The following ATP11A variants were observed in gnomAD, a reference collection of about 807,000 sequenced individuals.
The protein encoded by ATP11A is ATPase phospholipid transporting 11A, also known as phospholipid-transporting ATPase IH.
Under a neutral mutation model 154.4 loss-of-function variants are expected in ATP11A, and 81 were observed. The observed-to-expected ratio is 0.52, with a 90% CI of 0.44 to 0.63. ATP11A has a LOEUF of 0.63. Among genes scored for constraint, ATP11A ranks in the 30% least tolerant of loss-of-function variants. The pLI is 0.00. For synonymous variants in ATP11A, 623 were observed against 585.9 expected, an observed-to-expected ratio of 1.06 and a Z score of -0.91; for missense variants, 1,316 against 1,474.3, an observed-to-expected ratio of 0.89 and a Z score of 1.76.
At chr13:112,772,944 A>G (rs1430405416) in intron 1 of ATP11A, among the ~76,000 whole-genome samples, 1 of 152,206 alleles carries the variant, frequency 6.6e-6, no homozygotes, top group Non-Finnish European at 1.5e-5. Flanking sequence ...TATGATTGGC[A>G]TCTGATCACG....
At chr13:112,863,949 C>G (rs377752160) in intron 25 of ATP11A, among the ~76,000 whole-genome samples, 9 of 70,608 alleles carry the variant, frequency 1.3e-4, no homozygotes, top group African/African-American at 5.2e-5. Flanking sequence ...TCACCACCTG[C>G]GCAGTAATTC....
intron 16 of ATP11A, among the ~76,000 whole-genome samples, chr13:112,839,044 G>A (rs112228520): frequency 3.9e-5 from 6 of 152,098 alleles, no homozygotes; most frequent in African/African-American, 1.4e-4. Flanking sequence ...CATGATGTCC[G>A]CAGGACCCTT....
chr13:112,854,628 A>G lies in ATP11A; in HGVS notation c.2243+98A>G, dbSNP rs1488977964. 4.2e-6 allele frequency: 6 copies of G among 1,416,910 alleles called. No homozygotes were observed. In the Admixed American group the frequency reaches 9.1e-5, roughly 22 times the overall value. 87.8% of individuals were successfully genotyped at this position (1,416,910 alleles called of 1,614,324 possible). ...CAAGTCGGGGAGCCGCATTGTCTCTACTGGGAATTCGGTTCTCCCCTGGGG... is the reference window on the plus strand; with the variant it reads ...CAAGTCGGGGAGCCGCATTGTCTCTGCTGGGAATTCGGTTCTCCCCTGGGG... On this transcript the variant is annotated intron_variant, in intron 19 of 29. Coordinates refer to ENST00000375645, the MANE Select transcript of ATP11A (RefSeq NM_015205.3).
intron 1 of ATP11A, among the ~76,000 whole-genome samples, chr13:112,738,855 G>A (rs1891258969): frequency 6.7e-6 from 1 of 149,102 alleles, no homozygotes; most frequent in Non-Finnish European, 1.5e-5. Context: ...GTGAGTCTAG[G>A]TTGGCCCATG....
intron 13 of ATP11A, among the ~76,000 whole-genome samples, chr13:112,832,531 G>A (rs564599205): frequency 3.3e-5 from 5 of 152,346 alleles, no homozygotes; most frequent in Middle Eastern, 3.4e-3. Flanking sequence ...TCGTGGCACC[G>A]TGTGACTCAG....
intron 12 of ATP11A, 150 bp downstream of exon 12, chr13:112,827,041 A>G (rs2140229915): frequency 1.3e-6 from 1 of 746,146 alleles, no homozygotes. Context: ...CCTATTTATG[A>G]AACAGTCAGC....
chr13:112,784,024 A>G (rs2077562113), intron 1 of ATP11A, among the ~76,000 whole-genome samples: 1 of 152,142 alleles, frequency 6.6e-6, no homozygotes, highest in South Asian at 2.1e-4. Flanking sequence ...GTGGGGCAAG[A>G]GCCTGGAGAG....
intron 1 of ATP11A, among the ~76,000 whole-genome samples, chr13:112,713,517 A>G (rs956690178): frequency 1.3e-5 from 2 of 152,188 alleles, no homozygotes; most frequent in African/African-American, 4.8e-5. Flanking sequence ...AAGTATAAAT[A>G]AAAAAATTGT....
At chr13:112,756,734 C>T (rs183770596) in intron 1 of ATP11A, among the ~76,000 whole-genome samples, 36 of 152,332 alleles carry the variant, frequency 2.4e-4, no homozygotes, top group Non-Finnish European at 4.3e-4. Context: ...GCCCTCTGCA[C>T]CCCAGGGCAG....
At chr13:112,715,088 G>C (rs1888270656) in intron 1 of ATP11A, among the ~76,000 whole-genome samples, 1 of 152,158 alleles carries the variant, frequency 6.6e-6, no homozygotes, top group Non-Finnish European at 1.5e-5. Context: ...CTGTGTTGTA[G>C]CCTGTATGAC....
chr13:112,872,447 C>T, intron 26 of ATP11A, among the ~76,000 whole-genome samples: 1 of 152,290 alleles, frequency 6.6e-6, no homozygotes, highest in East Asian at 1.9e-4. Context: ...CCCATCTTTA[C>T]TAAAAACACA....
chr13:112,867,702 C>A (rs2080382369), intron 25 of ATP11A, among the ~76,000 whole-genome samples: 1 of 152,360 alleles, frequency 6.6e-6, no homozygotes, highest in South Asian at 2.1e-4. Context: ...CCTCCAGCCC[C>A]TGGCTATGTC....
chr13:112,856,329 T>G, intron 20 of ATP11A: 1 of 308,880 alleles, frequency 3.2e-6, no homozygotes, highest in Non-Finnish European at 5.9e-6. Context: ...CCAGGACAGC[T>G]GCCCTGGCTG....
rs114145305 is a variant in ATP11A at position 112,735,995 on chromosome 13, G to A, written c.39+45540G>A. ...TGCCCAGAGCCTATGCAGAGCCTCC[G>A]TATGCGCATGCTCAGAGCAGGTGCA... On this transcript the variant is annotated intron_variant, in intron 1 of 29. Coordinates refer to ENST00000375645, the MANE Select transcript of ATP11A (RefSeq NM_015205.3). Among the ~76,000 whole-genome samples, 451 of 152,150 alleles carry A rather than the reference G, an allele frequency of 3.0e-3. 2 individuals carry two copies. The highest frequency in any genetic ancestry group is 0.01 in the African/African-American group (431 of 41,528).
chr13:112,836,561 C>T (rs2079240179), intron 16 of ATP11A, among the ~76,000 whole-genome samples: 1 of 152,234 alleles, frequency 6.6e-6, no homozygotes, highest in Non-Finnish European at 1.5e-5. Context: ...TTCCTCTGCC[C>T]ATCCCTATCC....
At chr13:112,765,407 G>A (rs533379118) in intron 1 of ATP11A, among the ~76,000 whole-genome samples, 13 of 152,272 alleles carry the variant, frequency 8.5e-5, no homozygotes, top group African/African-American at 2.4e-4. Flanking sequence ...AGCCTCCTCC[G>A]GGCAGGCCCC....
chr13:112,846,401 G>T lies in ATP11A; in HGVS notation c.1809+4022G>T, dbSNP rs114373975. 8.3e-3 allele frequency among the ~76,000 whole-genome samples: 1,259 copies of T among 152,126 alleles called. 19 individuals carry two copies. The highest frequency in any genetic ancestry group is 0.029 in the African/African-American group (1,205 of 41,466). ...GTTTTTCCCGTGCAGCGTCTAACCTGTCAGCACCCCACGCAGGACACCCCT... is the reference window on the plus strand; with the variant it reads ...GTTTTTCCCGTGCAGCGTCTAACCTTTCAGCACCCCACGCAGGACACCCCT... On this transcript the variant is annotated intron_variant, in intron 17 of 29. Coordinates refer to ENST00000375645, the MANE Select transcript of ATP11A (RefSeq NM_015205.3).
intron 1 of ATP11A, among the ~76,000 whole-genome samples, chr13:112,713,233 A>G (rs1175376399): frequency 6.6e-6 from 1 of 152,152 alleles, no homozygotes; most frequent in Non-Finnish European, 1.5e-5. Flanking sequence ...CGTCTCTACT[A>G]AAAATACAAA....
At chr13:112,739,644 C>T (rs1400428037) in intron 1 of ATP11A, among the ~76,000 whole-genome samples, 5 of 152,220 alleles carry the variant, frequency 3.3e-5, no homozygotes, top group Non-Finnish European at 5.9e-5. Flanking sequence ...ATTGAAAACA[C>T]GCGTCCACAC....
Sources: allele counts gnomAD v4.1 joint callset (sites outside exome capture counted in the v4.1 genomes callset), GRCh38; gene constraint gnomAD v4.1.1; transcripts MANE v1.5; gene names NCBI Gene and HGNC (gene_info 2026-07-23, HGNC 2026-07-21).